The following PAPPA variants were observed in gnomAD, a reference collection of about 807,000 sequenced individuals.
The protein encoded by PAPPA is pappalysin-1.
In PAPPA, 60 loss-of-function variants were observed where a neutral mutation model predicts 164.0. The ratio of observed to expected loss-of-function variants is 0.37; its 90% CI spans 0.30 to 0.45. The LOEUF is 0.45. Ranked by LOEUF, PAPPA falls within the 20% of genes least tolerant of loss-of-function variation. The pLI, the probability that PAPPA is intolerant of heterozygous loss-of-function variation, is 1.00. For missense variants in PAPPA, 1,782 were observed against 2,087.3 expected (o/e 0.85, Z 2.85); for synonymous variants, 875 against 814.1 (o/e 1.07, Z -1.27).
intron 7 of PAPPA, among the ~76,000 whole-genome samples, chr9:116,241,234 A>G (rs1844731968): frequency 1.3e-5 from 2 of 152,202 alleles, no homozygotes; most frequent in South Asian, 4.1e-4. Flanking sequence ...GAGCTTAACT[A>G]CTTTCTAACC....
intron 9 of PAPPA, among the ~76,000 whole-genome samples, chr9:116,292,280 A>G (rs78744793): frequency 0.091 from 13,830 of 152,256 alleles, 715 homozygotes; most frequent in South Asian, 0.16. Context: ...TTACGTTTTT[A>G]GAAGAGCACT....
rs951630683 is a variant in PAPPA, at chr9:116,401,509, A to G, written c.*4893A>G. The stretch of plus-strand genomic sequence containing the variant: ...TCTATAATCAATAACCTGTCTGCAG[A>G]TATCTATCTATATAAAGATATTATA... On this transcript the variant is annotated 3_prime_UTR_variant, in exon 22 of 22. Coordinates refer to ENST00000328252, the MANE Select transcript of PAPPA (RefSeq NM_002581.5). 2 of 151,660 alleles carry G rather than the reference A, an allele frequency of 1.3e-5. No homozygotes were observed. Among genetic ancestry groups the G allele is most frequent in the Non-Finnish European group, 2.9e-5 (2 of 67,856 alleles). 9.4% of individuals were successfully genotyped at this position (151,660 alleles called of 1,614,324 possible).
chr9:116,377,842 A>C (rs1846675382), intron 20 of PAPPA, among the ~76,000 whole-genome samples, 195 bp downstream of exon 20: 2 of 152,312 alleles, frequency 1.3e-5, no homozygotes, highest in Middle Eastern at 3.4e-3. Flanking sequence ...ATATAAAGAA[A>C]CATACTAAAA....
chr9:116,228,611 G>A (rs1844546342), intron 6 of PAPPA, among the ~76,000 whole-genome samples: 1 of 152,174 alleles, frequency 6.6e-6, no homozygotes, highest in Non-Finnish European at 1.5e-5. Context: ...ATAAAAATGA[G>A]AGTCAAACTT....
chr9:116,267,871 G>T, intron 8 of PAPPA, among the ~76,000 whole-genome samples: 1 of 102,952 alleles, frequency 9.7e-6, no homozygotes. Context: ...GACAGAGCGA[G>T]ACTCCGTCTC....
chr9:116,177,986 G>T (rs1439218012), intron 1 of PAPPA, among the ~76,000 whole-genome samples: 1 of 152,042 alleles, frequency 6.6e-6, no homozygotes, highest in African/African-American at 2.4e-5. Flanking sequence ...CAATAAACAT[G>T]CATCTTCATT....
chr9:116,259,824 C>T (rs1844980296), intron 7 of PAPPA, among the ~76,000 whole-genome samples: 1 of 151,928 alleles, frequency 6.6e-6, no homozygotes, highest in South Asian at 2.1e-4. Flanking sequence ...GCTATGTGCA[C>T]AGAGGAAAAG....
rs539350327 is a variant in PAPPA at position 116,352,819 on chromosome 9, G to A, written c.4078G>A (p.Ala1360Thr). ...TGTGCCCAATGCAGACCTCCAGACC[G>A]CCCGGTGCCGAGAGAATAAGCACAA... is the stretch of plus-strand genomic sequence containing the variant. ...PPVPNADLQT[A>T]RCRENKHKVG... The change falls in exon 16 of 22, where the codon GCC becomes ACC. Residue 1360 changes from alanine to threonine, a missense_variant. Transcript: ENST00000328252. The A allele has an allele frequency of 1.9e-5, 31 of 1,613,724 alleles. No homozygotes were observed. Among genetic ancestry groups the A allele is most frequent in the Admixed American group, 5.0e-5 (3 of 59,990 alleles).
At chr9:116,238,942 TCACATTTTTTC>T (rs1029272072) in intron 7 of PAPPA, among the ~76,000 whole-genome samples, 35 of 152,224 alleles carry the variant, frequency 2.3e-4, no homozygotes, top group Non-Finnish European at 4.4e-4. Context: ...TTTGCTGCTT[TCACATTTTTTC>T]CATATCAAAT....
chr9:116,163,420 A>G (rs1349402274), intron 1 of PAPPA, among the ~76,000 whole-genome samples: 1 of 152,148 alleles, frequency 6.6e-6, no homozygotes, highest in East Asian at 1.9e-4. Flanking sequence ...TGTATCGCAA[A>G]AGGAGGAGCA....
chr9:116,344,593 A>C lies in PAPPA; in HGVS notation c.3662A>C (p.Glu1221Ala). 1 of 1,614,116 alleles carries C rather than the reference A, an allele frequency of 6.2e-7. No homozygotes were observed. Among genetic ancestry groups the C allele is most frequent in the East Asian group, 2.2e-5 (1 of 44,870 alleles). Residue 1221 changes from glutamate to alanine, a missense_variant, in exon 14 of 22, where the codon GAG becomes GCG. Around this residue, in one of 2 missense-constraint regions of PAPPA, gnomAD observed 1,324 missense variants for 1,656.9 expected, o/e 0.80. Transcript: ENST00000328252. ...EKTDCPELAV[E>A]NASLNCSSSD... Reference sequence around the variant, plus strand: ...ACTGACTGTCCAGAGCTGGCTGTGGAGAATGCTTCTCTCAATTGCTCCAGC... The same window carrying C: ...ACTGACTGTCCAGAGCTGGCTGTGGCGAATGCTTCTCTCAATTGCTCCAGC...
rs567215009 is a variant in PAPPA at position 116,196,392 on chromosome 9, C to A, written c.1478+8176C>A. ...AGCACTCTCATTTTCCTTTCTGCATCCACTGATGACACTGACCACTCATGA... is the reference window on the plus strand; with the variant it reads ...AGCACTCTCATTTTCCTTTCTGCATACACTGATGACACTGACCACTCATGA... On this transcript the variant is annotated intron_variant, in intron 2 of 21. Transcript: ENST00000328252. Among the ~76,000 whole-genome samples, 3 of 152,330 alleles carry A rather than the reference C, an allele frequency of 2.0e-5. No individual in the cohort carries two copies. In the South Asian group the frequency reaches 6.2e-4, roughly 32 times the overall value.
intron 9 of PAPPA, among the ~76,000 whole-genome samples, chr9:116,296,054 G>T (rs1365631693): frequency 1.3e-5 from 2 of 152,184 alleles, no homozygotes; most frequent in Non-Finnish European, 2.9e-5. Flanking sequence ...CTCATTCATT[G>T]CTGAAATAAT....
chr9:116,231,857 G>T (rs994306935), intron 6 of PAPPA, among the ~76,000 whole-genome samples: 1 of 141,778 alleles, frequency 7.1e-6, no homozygotes, highest in Non-Finnish European at 1.5e-5. Context: ...AGCCTCACGG[G>T]TTCAAGTAAC....
chr9:116,380,433 T>TTTAA (rs1317350253), intron 20 of PAPPA, among the ~76,000 whole-genome samples: 1 of 152,170 alleles, frequency 6.6e-6, no homozygotes, highest in Non-Finnish European at 1.5e-5. Flanking sequence ...ATCACCTTCA[T>TTTAA]TTAATTTTTC....
chr9:116,299,547 T>G (rs1300207269), intron 9 of PAPPA, among the ~76,000 whole-genome samples: 1 of 152,204 alleles, frequency 6.6e-6, no homozygotes, highest in Non-Finnish European at 1.5e-5. Context: ...ATCTTACCCT[T>G]ACAGAGAACA....
intron 7 of PAPPA, among the ~76,000 whole-genome samples, chr9:116,245,911 A>G (rs538375870): frequency 3.5e-4 from 54 of 152,306 alleles, no homozygotes; most frequent in African/African-American, 1.3e-3. Flanking sequence ...CATAACCATA[A>G]AATTACTATC....
chr9:116,240,662 C>T (rs1181121980), intron 7 of PAPPA, among the ~76,000 whole-genome samples: 1 of 152,120 alleles, frequency 6.6e-6, no homozygotes, highest in Non-Finnish European at 1.5e-5. Context: ...CCCAACAACC[C>T]CACAATGTAG....
At chr9:116,201,274 G>C (rs1363607141) in intron 2 of PAPPA, among the ~76,000 whole-genome samples, 2 of 152,154 alleles carry the variant, frequency 1.3e-5, no homozygotes, top group Non-Finnish European at 2.9e-5. Context: ...GCCTTAAGTG[G>C]CTTTGATCTT....
Sources: gnomAD v4.1 joint callset for allele counts (sites outside exome capture counted in the v4.1 genomes callset) on GRCh38, gnomAD v4.1.1 for gene constraint, gnomAD v4.1.1 regional missense constraint, MANE v1.5 for transcripts, NCBI Gene and HGNC (gene_info 2026-07-23, HGNC 2026-07-21) for gene names.